The following SLCO2A1 variants were observed in gnomAD, a reference collection of about 807,000 sequenced individuals.
SLCO2A1 encodes matrin F/G 1.
Under a neutral mutation model 71.7 loss-of-function variants are expected in SLCO2A1, and 60 were observed. The observed-to-expected ratio is 0.84, with a 90% CI of 0.68 to 1.04. SLCO2A1 has a LOEUF of 1.04. Among genes scored for constraint, SLCO2A1 ranks in the 50% least tolerant of loss-of-function variants. SLCO2A1 has a pLI of 0.00. For synonymous variants in SLCO2A1, 308 were observed against 326.7 expected (o/e 0.94, Z 0.62); for missense variants, 745 against 813.4 (o/e 0.92, Z 1.02).
intron 3 of SLCO2A1, among the ~76,000 whole-genome samples, chr3:133,965,454 T>G (rs1559938408): frequency 6.6e-6 from 1 of 152,200 alleles, no homozygotes; most frequent in Non-Finnish European, 1.5e-5. Context: ...GGAAACTGCT[T>G]ACAAATGTGT....
chr3:134,020,135 G>A (rs547943163), intron 1 of SLCO2A1, among the ~76,000 whole-genome samples: 22 of 152,066 alleles, frequency 1.4e-4, no homozygotes, highest in East Asian at 1.2e-3. Flanking sequence ...CCCCAGTCAC[G>A]CACCCCCTGC....
intron 11 of SLCO2A1, 187 bp downstream of exon 11, chr3:133,942,418 G>A: frequency 1.6e-6 from 1 of 617,584 alleles, no homozygotes; most frequent in African/African-American, 1.9e-5. Flanking sequence ...CCCTGGGCAG[G>A]GCTCCCAGCA....
At chr3:134,015,605 TGATA>T (rs1272132691) in intron 1 of SLCO2A1, among the ~76,000 whole-genome samples, 1 of 152,128 alleles carries the variant, frequency 6.6e-6, no homozygotes, top group African/African-American at 2.4e-5. Flanking sequence ...CCATAAAAAA[TGATA>T]GATAAGCGAG....
chr3:133,975,693 A>G (rs1934426002), intron 2 of SLCO2A1, among the ~76,000 whole-genome samples: 1 of 152,070 alleles, frequency 6.6e-6, no homozygotes, highest in Admixed American at 6.5e-5. Flanking sequence ...CTGTTCTTTG[A>G]CCACACCAAA....
intron 3 of SLCO2A1, among the ~76,000 whole-genome samples, chr3:133,963,938 G>A (rs780070082): frequency 1.2e-4 from 19 of 152,344 alleles, no homozygotes; most frequent in Middle Eastern, 3.4e-3. Context: ...AGATCCCAAA[G>A]TCGATTGTAA....
chr3:133,976,791 G>A (rs141950403), intron 2 of SLCO2A1, among the ~76,000 whole-genome samples: 6 of 152,288 alleles, frequency 3.9e-5, no homozygotes, highest in African/African-American at 1.2e-4. Context: ...GGTGGGTGGC[G>A]TGAAGGGCAG....
chr3:134,001,547 T>C (rs530108537), intron 1 of SLCO2A1, among the ~76,000 whole-genome samples: 1 of 152,282 alleles, frequency 6.6e-6, no homozygotes, highest in South Asian at 2.1e-4. Context: ...CAAGGCATTT[T>C]CTCCTCCCTT....
chr3:133,942,522 A>C, intron 11 of SLCO2A1, 83 bp downstream of exon 11: 1 of 1,422,068 alleles, frequency 7.0e-7, no homozygotes, highest in Non-Finnish European at 9.5e-7. Flanking sequence ...GAGAGATGAG[A>C]AACAGGCAAC....
intron 1 of SLCO2A1, among the ~76,000 whole-genome samples, chr3:133,999,548 G>A (rs1935057228): frequency 5.3e-5 from 8 of 152,220 alleles, no homozygotes. Flanking sequence ...GCACAAAACA[G>A]TGACAGCTAC....
At chr3:134,022,368 A>G (rs1249705761) in intron 1 of SLCO2A1, among the ~76,000 whole-genome samples, 1 of 152,214 alleles carries the variant, frequency 6.6e-6, no homozygotes, top group African/African-American at 2.4e-5. Flanking sequence ...CCTTTGGTAA[A>G]AAGATTATAA....
At chr3:133,983,156 G>A (rs1009558371) in intron 1 of SLCO2A1, among the ~76,000 whole-genome samples, 2 of 152,110 alleles carry the variant, frequency 1.3e-5, no homozygotes, top group Admixed American at 1.3e-4. Flanking sequence ...TGTGACTTCC[G>A]AGGCTGGATC....
chr3:133,950,409 T>C (rs900460758), intron 6 of SLCO2A1, among the ~76,000 whole-genome samples: 3 of 152,214 alleles, frequency 2.0e-5, no homozygotes, highest in African/African-American at 7.2e-5. Context: ...TGAGTCCTTC[T>C]GGGCATCCAC....
At chr3:133,979,964 C>A (rs1934549998) in intron 1 of SLCO2A1, among the ~76,000 whole-genome samples, 1 of 152,140 alleles carries the variant, frequency 6.6e-6, no homozygotes, top group African/African-American at 2.4e-5. Context: ...GATTATTCCC[C>A]AACAGCACCA....
intron 1 of SLCO2A1, among the ~76,000 whole-genome samples, chr3:134,002,546 G>A (rs111511475): frequency 6.6e-6 from 1 of 152,220 alleles, no homozygotes; most frequent in African/African-American, 2.4e-5. Context: ...CCGCCTCAGT[G>A]AGTGCTGCAT....
chr3:133,993,394 G>A (rs1934896654), intron 1 of SLCO2A1, among the ~76,000 whole-genome samples: 1 of 152,258 alleles, frequency 6.6e-6, no homozygotes. Context: ...GGTGAGGTCT[G>A]TGAAAGAAGG....
chr3:133,953,781 G>A lies in SLCO2A1; in HGVS notation c.626-20C>T, dbSNP rs1177559807. Reference sequence around the variant, plus strand: ...AGATGGCTGGAAAAGGAAGTAAGGGGAAGGAGACTGAGATAAATGGAGAGA... The same window carrying A: ...AGATGGCTGGAAAAGGAAGTAAGGGAAAGGAGACTGAGATAAATGGAGAGA... On this transcript the variant is annotated intron_variant, in intron 4 of 13. Coordinates refer to ENST00000310926, the MANE Select transcript of SLCO2A1 (RefSeq NM_005630.3). 6.3e-7 allele frequency: 1 copy of A among 1,594,854 alleles called. No homozygotes were observed. Among genetic ancestry groups the A allele is most frequent in the Non-Finnish European group, 8.6e-7 (1 of 1,162,526 alleles).
intron 9 of SLCO2A1, among the ~76,000 whole-genome samples, 200 bp from the exon 10 acceptor site, chr3:133,945,460 C>A (rs914308568): frequency 5.3e-5 from 8 of 152,182 alleles, no homozygotes; most frequent in Non-Finnish European, 1.2e-4. Context: ...CACGGCATCT[C>A]TCCATTTCTT....
chr3:133,934,689 G>T lies in SLCO2A1; in HGVS notation c.*24C>A. ...GAAGAGTCAAGGTCCACTCTCTGGA[G>T]CAGGGCAGTGGCCCAGGGTGGGGTC... On this transcript the variant is annotated 3_prime_UTR_variant, in exon 14 of 14. Coordinates refer to ENST00000310926, the MANE Select transcript of SLCO2A1 (RefSeq NM_005630.3). 6.6e-7 allele frequency: 1 copy of T among 1,514,824 alleles called. No homozygotes were observed. Among genetic ancestry groups the T allele is most frequent in the Non-Finnish European group, 9.2e-7 (1 of 1,090,128 alleles). 93.8% of individuals were successfully genotyped at this position (1,514,824 alleles called of 1,614,324 possible). A position where few individuals can be genotyped will look rare whatever the true frequency, so the allele number is the denominator to read the frequency against.
chr3:133,993,474 C>T (rs995452813), intron 1 of SLCO2A1, among the ~76,000 whole-genome samples: 2 of 151,402 alleles, frequency 1.3e-5, no homozygotes, highest in African/African-American at 2.4e-5. Flanking sequence ...TTAGATACCA[C>T]AGATTGAAAA....
Sources: allele counts gnomAD v4.1 joint callset (sites outside exome capture counted in the v4.1 genomes callset), GRCh38; gene constraint gnomAD v4.1.1; transcripts MANE v1.5; gene names NCBI Gene and HGNC (gene_info 2026-07-23, HGNC 2026-07-21).